TASP1: variants seen among roughly 807,000 people sequenced by gnomAD.
The protein encoded by TASP1 is taspase 1.
Under a neutral mutation model 56.6 loss-of-function variants are expected in TASP1, and 16 were observed. That is an observed-to-expected ratio of 0.28 (90% CI 0.19 to 0.43). TASP1 has a LOEUF of 0.43. Among genes scored for constraint, TASP1 ranks in the 20% least tolerant of loss-of-function variants. TASP1 has a pLI of 1.00. For missense variants in TASP1, 393 were observed against 511.6 expected, an observed-to-expected ratio of 0.77 and a Z score of 2.24; for synonymous variants, 179 against 184.2, an observed-to-expected ratio of 0.97 and a Z score of 0.23.
the TASP1 span, among the ~76,000 whole-genome samples, chr20:13,302,125 A>G: frequency 6.6e-6 from 1 of 152,226 alleles, no homozygotes. Context: ...ATTTTTGTTA[A>G]GGATTTAGAG....
Position 13,506,663 on chromosome 20 carries a change from CAGA to C in TASP1, c.874+21767_874+21769del, listed in dbSNP as rs2044143862. 2.6e-5 allele frequency among the ~76,000 whole-genome samples: 4 copies of C among 152,156 alleles called. No individual in the cohort carries two copies. In the South Asian group the frequency reaches 8.3e-4, roughly 32 times the overall value. On this transcript the variant is annotated intron_variant, in intron 10 of 13. Transcript: ENST00000337743. Reference sequence around the variant, plus strand: ...AACCATATGATCATCTCAAGAGAGACAGAAGAAGCACTTGAGAAAATTCAACAT... The same window carrying C: ...AACCATATGATCATCTCAAGAGAGACAGAAGCACTTGAGAAAATTCAACAT...
the TASP1 span, among the ~76,000 whole-genome samples, chr20:13,150,591 G>A: frequency 2.6e-5 from 4 of 152,164 alleles, no homozygotes; most frequent in Non-Finnish European, 4.4e-5. Context: ...GTCCGGCTTT[G>A]TTTTCTCCCT....
At chr20:13,242,175 AGGT>A in the TASP1 span, among the ~76,000 whole-genome samples, 2 of 152,076 alleles carry the variant, frequency 1.3e-5, no homozygotes, top group Non-Finnish European at 2.9e-5. Flanking sequence ...AGGGTATGGG[AGGT>A]GAGGAGGTCC....
chr20:13,134,827 A>C, the TASP1 span, among the ~76,000 whole-genome samples: 1 of 152,206 alleles, frequency 6.6e-6, no homozygotes, highest in African/African-American at 2.4e-5. Flanking sequence ...CGAAAGAGAA[A>C]AGCATGAAAT....
the TASP1 span, among the ~76,000 whole-genome samples, chr20:13,260,472 T>G: frequency 1.3e-5 from 2 of 152,210 alleles, no homozygotes; most frequent in African/African-American, 2.4e-5. Flanking sequence ...GGTAGAAGGA[T>G]AGAGAGAAAG....
intron 12 of TASP1, among the ~76,000 whole-genome samples, chr20:13,424,326 A>G (rs1164133295): frequency 2.6e-5 from 4 of 152,222 alleles, no homozygotes. Flanking sequence ...AATCTCAGTA[A>G]AAGAGTAGCA....
intron 6 of TASP1, among the ~76,000 whole-genome samples, chr20:13,571,280 C>T (rs2046704034): frequency 6.6e-6 from 1 of 152,154 alleles, no homozygotes; most frequent in South Asian, 2.1e-4. Flanking sequence ...GTCATCATCA[C>T]ACAAAATATC....
intron 6 of TASP1, among the ~76,000 whole-genome samples, chr20:13,578,998 T>C (rs965598769): frequency 6.6e-6 from 1 of 152,242 alleles, no homozygotes; most frequent in African/African-American, 2.4e-5. Flanking sequence ...AATGGGATTA[T>C]GGTAGATTCG....
chr20:13,524,759 C>T (rs529511884), intron 10 of TASP1, among the ~76,000 whole-genome samples: 2 of 152,286 alleles, frequency 1.3e-5, no homozygotes, highest in South Asian at 4.1e-4. Context: ...ATCCTCCAGG[C>T]ATTACATGCC....
the TASP1 span, among the ~76,000 whole-genome samples, chr20:13,127,171 AAC>A: frequency 2.0e-5 from 3 of 152,320 alleles, no homozygotes; most frequent in Non-Finnish European, 2.9e-5. Flanking sequence ...ATATAGACAA[AAC>A]ACACACAATA....
At chr20:13,340,096 C>T in the TASP1 span, among the ~76,000 whole-genome samples, 1 of 151,998 alleles carries the variant, frequency 6.6e-6, no homozygotes, top group Admixed American at 6.6e-5. Flanking sequence ...CTTAGGTGGG[C>T]ATATGACACA....
chr20:13,422,304 T>C (rs1434911149), intron 12 of TASP1, among the ~76,000 whole-genome samples: 1 of 152,246 alleles, frequency 6.6e-6, no homozygotes, highest in African/African-American at 2.4e-5. Context: ...AACGTTTTCC[T>C]GATGCTGGGT....
At chr20:13,571,140 CT>C (rs1259035711) in intron 6 of TASP1, among the ~76,000 whole-genome samples, 1 of 152,100 alleles carries the variant, frequency 6.6e-6, no homozygotes, top group Non-Finnish European at 1.5e-5. Flanking sequence ...CTATTGTCAA[CT>C]ATTTAAGTTT....
chr20:13,342,970 CA>C, the TASP1 span, among the ~76,000 whole-genome samples: 1 of 152,098 alleles, frequency 6.6e-6, no homozygotes, highest in East Asian at 1.9e-4. Flanking sequence ...CCAAAAAGAG[CA>C]AAAAACTTGC....
At chr20:13,117,849 C>A in the TASP1 span, 1 of 887,964 alleles carries the variant, frequency 1.1e-6, no homozygotes, top group Non-Finnish European at 1.7e-6. Context: ...ATCACTCCAG[C>A]CTGGCTACAG....
chr20:13,299,497 C>A, the TASP1 span: 1 of 1,560,060 alleles, frequency 6.4e-7, no homozygotes, highest in South Asian at 1.2e-5. This position sits in a 1 kb window ranked among gnomAD's most constrained non-coding sequence, Gnocchi z 5.8. Flanking sequence ...GCCTCTGGTT[C>A]TGGAGCACAC....
the TASP1 span, chr20:13,221,724 C>G: frequency 7.8e-7 from 1 of 1,274,696 alleles, no homozygotes; most frequent in East Asian, 3.4e-5. Flanking sequence ...CCGGCGTCAC[C>G]GCCGCCGCCG....
the TASP1 span, among the ~76,000 whole-genome samples, chr20:13,123,593 G>T: frequency 2.0e-5 from 3 of 152,136 alleles, no homozygotes; most frequent in African/African-American, 7.2e-5. Context: ...TAACTCCTGC[G>T]TTATATTCCC....
At chr20:13,311,195 A>T in the TASP1 span, among the ~76,000 whole-genome samples, 1 of 136,728 alleles carries the variant, frequency 7.3e-6, no homozygotes, top group African/African-American at 2.8e-5. Flanking sequence ...ACTCCATCTC[A>T]AAAAAATAGA....
Sources: gnomAD v4.1 joint callset for allele counts (sites outside exome capture counted in the v4.1 genomes callset) on GRCh38, gnomAD v4.1.1 for gene constraint, Gnocchi (gnomAD v3.1) non-coding constraint, MANE v1.5 for transcripts, NCBI Gene and HGNC (gene_info 2026-07-23, HGNC 2026-07-21) for gene names.